Variants in CNTNAP2 observed in about 807,000 individuals in gnomAD.
The protein encoded by CNTNAP2 is contactin-associated protein-like 2.
Under a neutral mutation model 155.2 loss-of-function variants are expected in CNTNAP2, and 98 were observed. The observed-to-expected ratio is 0.63, with a 90% CI of 0.54 to 0.75. The LOEUF is 0.75. Ranked by LOEUF, CNTNAP2 falls within the 30% of genes least tolerant of loss-of-function variation. CNTNAP2 has a pLI of 0.00. For synonymous variants in CNTNAP2, 651 were observed against 631.2 expected, an observed-to-expected ratio of 1.03 and a Z score of -0.47; for missense variants, 1,727 against 1,688.1, an observed-to-expected ratio of 1.02 and a Z score of -0.40.
At chr7:148,381,889 G>C (rs555750170) in intron 21 of CNTNAP2, among the ~76,000 whole-genome samples, 7 of 152,174 alleles carry the variant, frequency 4.6e-5, no homozygotes, top group Middle Eastern at 3.4e-3. Flanking sequence ...CAGGGGAATT[G>C]GTCCCAGCCA....
At chr7:147,558,685 C>CTTGG (rs1799996107) in intron 11 of CNTNAP2, among the ~76,000 whole-genome samples, 1 of 145,820 alleles carries the variant, frequency 6.9e-6, no homozygotes, top group African/African-American at 2.6e-5. Flanking sequence ...AACTTTTTTC[C>CTTGG]TTCGTTCGTT....
At chr7:147,491,606 G>T (rs931277952) in intron 11 of CNTNAP2, among the ~76,000 whole-genome samples, 7 of 152,144 alleles carry the variant, frequency 4.6e-5, no homozygotes, top group Non-Finnish European at 1.0e-4. Flanking sequence ...TAAATCTGAG[G>T]CTCGCCCAGC....
At chr7:146,554,028 C>A (rs1376366541) in intron 1 of CNTNAP2, among the ~76,000 whole-genome samples, 1 of 152,084 alleles carries the variant, frequency 6.6e-6, no homozygotes, top group South Asian at 2.1e-4. Flanking sequence ...AAAAGTTGTT[C>A]TTTTGGGCAT....
chr7:146,985,750 C>A (rs1032174773), intron 3 of CNTNAP2, among the ~76,000 whole-genome samples: 1 of 151,928 alleles, frequency 6.6e-6, no homozygotes, highest in Admixed American at 6.6e-5. Flanking sequence ...AATAAAGAAA[C>A]CAGATATAGA....
At chr7:147,614,174 A>C (rs1563022307) in intron 12 of CNTNAP2, among the ~76,000 whole-genome samples, 2 of 152,158 alleles carry the variant, frequency 1.3e-5, no homozygotes, top group African/African-American at 4.8e-5. Context: ...ATTGTTCTTC[A>C]ACAATGTCTT....
Position 147,778,990 on chromosome 7 carries a change from CAG to C in CNTNAP2, c.2099-124573_2099-124572del, listed in dbSNP as rs371927820. 3.4e-3 allele frequency among the ~76,000 whole-genome samples: 517 copies of C among 152,190 alleles called. 6 individuals are homozygous for C. Among genetic ancestry groups the C allele is most frequent in the African/African-American group, 0.012 (488 of 41,520 alleles). ...GTTTCACCACCTTTTATAATAAAAA[CAG>C]AAGATATTCACAAAAATAGCTAAAA... On this transcript the variant is annotated intron_variant, in intron 13 of 23. Transcript: ENST00000361727.
intron 1 of CNTNAP2, among the ~76,000 whole-genome samples, chr7:146,599,524 A>G (rs1278984323): frequency 1.3e-5 from 2 of 152,008 alleles, no homozygotes; most frequent in African/African-American, 4.8e-5. Flanking sequence ...ACCTAAATAT[A>G]TCCACCAATC....
chr7:146,740,860 A>G (rs368970021), intron 1 of CNTNAP2, among the ~76,000 whole-genome samples: 2 of 152,214 alleles, frequency 1.3e-5, no homozygotes, highest in African/African-American at 4.8e-5. Flanking sequence ...ACTGATGTCA[A>G]TATGGCAGTT....
chr7:146,748,143 C>CTTTTCTTTTCTT (rs60181692), intron 1 of CNTNAP2, among the ~76,000 whole-genome samples: 4 of 97,998 alleles, frequency 4.1e-5, no homozygotes, highest in South Asian at 3.9e-4. Context: ...CTTTTCTTTT[C>CTTTTCTTTTCTT]TTTTTTTTTT....
intron 13 of CNTNAP2, among the ~76,000 whole-genome samples, chr7:147,793,067 G>A (rs1393071476): frequency 6.6e-6 from 1 of 152,010 alleles, no homozygotes; most frequent in Non-Finnish European, 1.5e-5. Flanking sequence ...TTAATGAGTT[G>A]TAAGAGTTAT....
At position 146,123,401 on chromosome 7, in the gene CNTNAP2, T is replaced by A. The variant is rs1797590774; in HGVS notation, c.97+6428T>A. Among the ~76,000 whole-genome samples, 3 of 152,310 alleles carry A rather than the reference T, an allele frequency of 2.0e-5. No individual in the cohort carries two copies. In the South Asian group the frequency reaches 6.2e-4, roughly 32 times the overall value. The stretch of plus-strand genomic sequence containing the variant: ...TCTAGTACATTCACAACCTTCTTCA[T>A]CTGCACTGGGATGGTGATCTGGAAA... On this transcript the variant is annotated intron_variant, in intron 1 of 23. Coordinates refer to ENST00000361727, the MANE Select transcript of CNTNAP2 (RefSeq NM_014141.6).
intron 3 of CNTNAP2, among the ~76,000 whole-genome samples, chr7:146,867,215 C>T (rs1166491071): frequency 6.6e-6 from 1 of 151,948 alleles, no homozygotes; most frequent in Non-Finnish European, 1.5e-5. Flanking sequence ...TGTTTCCTTC[C>T]TTGTGTTCAT....
intron 12 of CNTNAP2, among the ~76,000 whole-genome samples, chr7:147,577,189 C>T (rs184709946): frequency 1.2e-4 from 18 of 152,148 alleles, no homozygotes; most frequent in African/African-American, 2.2e-4. Flanking sequence ...TGATGATCCT[C>T]GGTTCATTCA....
chr7:146,175,075 A>T (rs1025179933), intron 1 of CNTNAP2, among the ~76,000 whole-genome samples: 1 of 152,136 alleles, frequency 6.6e-6, no homozygotes, highest in Non-Finnish European at 1.5e-5. Flanking sequence ...TATTTTAGGT[A>T]CCAAGCTATC....
intron 15 of CNTNAP2, among the ~76,000 whole-genome samples, chr7:148,090,314 G>A (rs1803814571): frequency 6.6e-6 from 1 of 152,046 alleles, no homozygotes; most frequent in South Asian, 2.1e-4. Flanking sequence ...ACAGACTGAA[G>A]AGACAACCTA....
chr7:147,786,862 A>G (rs1288146599), intron 13 of CNTNAP2, among the ~76,000 whole-genome samples: 3 of 152,062 alleles, frequency 2.0e-5, no homozygotes, highest in African/African-American at 4.8e-5. Flanking sequence ...CCTGCTACTC[A>G]TGAAACTGAG....
intron 2 of CNTNAP2, among the ~76,000 whole-genome samples, chr7:146,817,784 A>G (rs943590328): frequency 5.3e-5 from 8 of 152,134 alleles, no homozygotes; most frequent in Non-Finnish European, 1.0e-4. Context: ...AACCACCCCC[A>G]TGATCCAATC....
In CNTNAP2 at chr7:148,383,631, TTTC is replaced by T; in HGVS notation, c.3476-15_3476-13del. 1 of 1,614,174 alleles carries T rather than the reference TTTC, an allele frequency of 6.2e-7. No individual in the cohort carries two copies. The highest frequency in any genetic ancestry group is 8.5e-7 in the Non-Finnish European group (1 of 1,180,032). The stretch of plus-strand genomic sequence containing the variant: ...TATGGTGAGTCAAGTAACATTTTCA[TTTC>T]TTTTTTTCTTTTAGAAACAGGGAAA... On this transcript the variant is annotated splice_polypyrimidine_tract_variant and intron_variant, in intron 21 of 23. Transcript: ENST00000361727.
At chr7:146,181,369 G>A (rs1305851232) in intron 1 of CNTNAP2, among the ~76,000 whole-genome samples, 1 of 151,986 alleles carries the variant, frequency 6.6e-6, no homozygotes, top group Non-Finnish European at 1.5e-5. Flanking sequence ...ATCAGTAACA[G>A]AAAAAAAGTT....
Sources: allele counts gnomAD v4.1 joint callset (sites outside exome capture counted in the v4.1 genomes callset), GRCh38; gene constraint gnomAD v4.1.1; transcripts MANE v1.5; gene names NCBI Gene and HGNC (gene_info 2026-07-23, HGNC 2026-07-21).